The following WDR7 variants were observed in gnomAD, a reference collection of about 807,000 sequenced individuals.
The protein encoded by WDR7 is WD repeat-containing protein 7.
A neutral mutation model predicts 169.4 loss-of-function variants in WDR7; 46 were observed. The ratio of observed to expected loss-of-function variants is 0.27; its 90% CI spans 0.21 to 0.35. WDR7 has a LOEUF of 0.35. Among genes scored for constraint, WDR7 ranks in the 10% least tolerant of loss-of-function variants. The pLI, the probability that WDR7 is intolerant of heterozygous loss-of-function variation, is 1.00. For missense variants in WDR7, 1,534 were observed against 1,859.3 expected, an observed-to-expected ratio of 0.83 and a Z score of 3.22; for synonymous variants, 612 against 666.8, an observed-to-expected ratio of 0.92 and a Z score of 1.27.
chr18:56,780,641 C>CA (rs146641560), intron 18 of WDR7, among the ~76,000 whole-genome samples: 8,332 of 151,018 alleles, frequency 0.055, 618 homozygotes, highest in African/African-American at 0.17. Context: ...ACTAAAAATA[C>CA]AAAAAAAAAT....
At chr18:56,718,457 G>A (rs531229219) in intron 13 of WDR7, among the ~76,000 whole-genome samples, 1 of 152,240 alleles carries the variant, frequency 6.6e-6, no homozygotes, top group African/African-American at 2.4e-5. Context: ...ACAAGAAGAA[G>A]AAATCATTTT....
intron 1 of WDR7, among the ~76,000 whole-genome samples, chr18:56,657,073 T>C (rs1464824509): frequency 6.6e-6 from 1 of 152,146 alleles, no homozygotes. Context: ...TTTTAGTGCG[T>C]GTAGAGTGAG....
intron 21 of WDR7, among the ~76,000 whole-genome samples, chr18:56,898,988 G>A (rs550123361): frequency 4.6e-5 from 7 of 152,072 alleles, no homozygotes; most frequent in Non-Finnish European, 7.4e-5. Context: ...CTTAAAAAGC[G>A]GTTCTTCCTA....
At chr18:56,864,791 C>G (rs534171999) in intron 20 of WDR7, among the ~76,000 whole-genome samples, 7 of 151,890 alleles carry the variant, frequency 4.6e-5, no homozygotes, top group African/African-American at 1.7e-4. Context: ...AAAATACATT[C>G]AGGATCAAAG....
intron 2 of WDR7, among the ~76,000 whole-genome samples, chr18:56,676,891 G>A: frequency 6.6e-6 from 1 of 151,982 alleles, no homozygotes; most frequent in African/African-American, 2.4e-5. Flanking sequence ...TGGAATTACA[G>A]GCATGAGCCA....
chr18:56,861,742 C>T (rs146876927), intron 20 of WDR7, among the ~76,000 whole-genome samples: 279 of 152,088 alleles, frequency 1.8e-3, no homozygotes, highest in African/African-American at 6.2e-3. Context: ...TAAGGTTTAG[C>T]GGTTTTGAGA....
intron 26 of WDR7, among the ~76,000 whole-genome samples, chr18:57,005,925 G>T (rs1458316411): frequency 6.6e-6 from 1 of 152,178 alleles, no homozygotes; most frequent in African/African-American, 2.4e-5. Context: ...GACAAGCTTG[G>T]TCTAAATAAA....
chr18:56,844,175 TA>T (rs2045531891), intron 20 of WDR7, among the ~76,000 whole-genome samples: 2 of 149,064 alleles, frequency 1.3e-5, no homozygotes, highest in Non-Finnish European at 3.0e-5. Context: ...TTTTTTTTTT[TA>T]AATAATAGCA....
chr18:56,861,328 G>A (rs888621806), intron 20 of WDR7, among the ~76,000 whole-genome samples: 14 of 152,212 alleles, frequency 9.2e-5, no homozygotes, highest in African/African-American at 3.1e-4. Context: ...TTTGCTGACA[G>A]CTTAAGGCTT....
intron 27 of WDR7, among the ~76,000 whole-genome samples, chr18:57,023,490 A>G (rs1427990352): frequency 1.3e-5 from 2 of 152,246 alleles, no homozygotes; most frequent in Non-Finnish European, 2.9e-5. Context: ...CATTGGGAAT[A>G]GCATTAAAAC....
chr18:56,795,675 GTA>G (rs562130781), intron 19 of WDR7, among the ~76,000 whole-genome samples: 244 of 152,208 alleles, frequency 1.6e-3, no homozygotes, highest in African/African-American at 5.5e-3. Context: ...TTGTTTGTTT[GTA>G]TTCACTCTGT....
chr18:56,716,569 A>G (rs1221781330), intron 12 of WDR7, among the ~76,000 whole-genome samples: 1 of 152,210 alleles, frequency 6.6e-6, no homozygotes, highest in East Asian at 1.9e-4. Context: ...ATAAAGCTAA[A>G]TCATGGTGAA....
chr18:56,894,411 T>C (rs1253153121), intron 21 of WDR7, among the ~76,000 whole-genome samples: 1 of 151,374 alleles, frequency 6.6e-6, no homozygotes, highest in Non-Finnish European at 1.5e-5. Context: ...TTCTCAGGCA[T>C]ACTAGTCACT....
chr18:56,749,177 A>T lies in WDR7; in HGVS notation c.1990-7406A>T, dbSNP rs2043749612. ...CAATAAATATACTAAATCAAGAGTA[A>T]AATTATAAAATATTTAATTTATTTT... On this transcript the variant is annotated intron_variant, in intron 14 of 27. Coordinates refer to ENST00000254442, the MANE Select transcript of WDR7 (RefSeq NM_015285.3). Among the ~76,000 whole-genome samples the T allele has an allele frequency of 2.6e-5, 4 of 152,096 alleles. No homozygotes were observed. The South Asian group carries it at 8.3e-4, about 31-fold the overall frequency.
intron 20 of WDR7, among the ~76,000 whole-genome samples, chr18:56,863,288 A>G (rs950556924): frequency 1.3e-5 from 2 of 151,844 alleles, no homozygotes; most frequent in Non-Finnish European, 3.0e-5. Context: ...TAAATTAAAT[A>G]GTTGTAATAA....
In WDR7 at chr18:56,678,107, ATTCT is replaced by A. The variant is rs570223414; in HGVS notation, c.160-1222_160-1219del. ...TTTTCAGCTTCAGAATTTCTGCCAG[ATTCT>A]TTTTTATTATTTCAGTCTCTTAAAT... On this transcript the variant is annotated intron_variant, in intron 2 of 27. Transcript: ENST00000254442. 1.2e-3 allele frequency among the ~76,000 whole-genome samples: 181 copies of A among 152,224 alleles called. No homozygotes were observed. In the Middle Eastern group the frequency reaches 0.014, roughly 11 times the overall value.
intron 25 of WDR7, among the ~76,000 whole-genome samples, chr18:56,960,761 C>G (rs1362417100): frequency 6.6e-6 from 1 of 152,116 alleles, no homozygotes; most frequent in Non-Finnish European, 1.5e-5. Context: ...GATTCCCACT[C>G]TTTCTCTTAA....
intron 1 of WDR7, among the ~76,000 whole-genome samples, chr18:56,655,856 C>A (rs1463588108): frequency 6.6e-6 from 1 of 152,122 alleles, no homozygotes; most frequent in Non-Finnish European, 1.5e-5. Flanking sequence ...TGAGACAGTT[C>A]TTGAGATTCA....
At chr18:56,925,361 G>T (rs2046790903) in intron 22 of WDR7, among the ~76,000 whole-genome samples, 1 of 152,144 alleles carries the variant, frequency 6.6e-6, no homozygotes, top group Admixed American at 6.5e-5. Context: ...TTTCCCACCA[G>T]CAGTGCACAA....
Sources: allele counts gnomAD v4.1 joint callset (sites outside exome capture counted in the v4.1 genomes callset), GRCh38; gene constraint gnomAD v4.1.1; transcripts MANE v1.5; gene names NCBI Gene and HGNC (gene_info 2026-07-23, HGNC 2026-07-21).